FCRL6: variants seen among roughly 807,000 people sequenced by gnomAD.
FCRL6 encodes Fc receptor-like protein 6.
In FCRL6, 50 loss-of-function variants were observed where a neutral mutation model predicts 49.1. The observed-to-expected ratio is 1.02, with a 90% confidence interval of 0.81 to 1.29. FCRL6 has a LOEUF of 1.29. Among genes scored for constraint, FCRL6 ranks in the 50% most tolerant of loss-of-function variants. The pLI is 0.00. For synonymous variants in FCRL6, 213 were observed against 199.6 expected, an observed-to-expected ratio of 1.07 and a Z score of -0.57; for missense variants, 571 against 518.5, an observed-to-expected ratio of 1.10 and a Z score of -0.98.
At chr1:159,813,677 A>T in intron 7 of FCRL6, 123 bp downstream of exon 7, 1 of 818,790 alleles carries the variant, frequency 1.2e-6, no homozygotes, top group Non-Finnish European at 2.0e-6. Flanking sequence ...GGGGAAGGAA[A>T]ACAAACAGCT....
Position 159,809,184 on chromosome 1 carries a change from G to A in FCRL6, c.543G>A (p.Glu181=). 1.2e-6 allele frequency: 2 copies of A among 1,608,604 alleles called. No individual in the cohort carries two copies. Among genetic ancestry groups the A allele is most frequent in the Non-Finnish European group, 1.7e-6 (2 of 1,177,426 alleles). The part of the protein sequence containing the change: ...KEGDSGLYWC[E]VAPEGGQVQK... ...GAGACTCTGGGCTTTACTGGTGTGA[G>A]GTGGCCCCTGAGGGTGGCCAGGTCC... is the stretch of plus-strand genomic sequence containing the variant. The change falls in exon 4 of 10, where the codon GAG becomes GAA. Residue 181 remains glutamate (E), a synonymous_variant. Coordinates refer to ENST00000368106, the MANE Select transcript of FCRL6 (RefSeq NM_001004310.3).
chr1:159,814,147 A>G (rs1663248722), intron 7 of FCRL6, 74 bp from the exon 8 acceptor site: 2 of 1,396,520 alleles, frequency 1.4e-6, no homozygotes, highest in Admixed American at 1.7e-5. Flanking sequence ...GCTTCTCTCC[A>G]TGTCTTCAGG....
At chr1:159,811,288 T>C (rs1663075749) in intron 6 of FCRL6, among the ~76,000 whole-genome samples, 1 of 152,260 alleles carries the variant, frequency 6.6e-6, no homozygotes, top group African/African-American at 2.4e-5. Context: ...TGATTCCTAG[T>C]GCTTCAAATC....
At position 159,809,160 on chromosome 1, in the gene FCRL6, A is replaced by G. The variant is rs1480612070; in HGVS notation, c.519A>G (p.Gly173=). 5.0e-6 allele frequency: 8 copies of G among 1,613,656 alleles called. No individual in the cohort carries two copies. Among genetic ancestry groups the G allele is most frequent in the Non-Finnish European group, 6.8e-6 (8 of 1,179,802 alleles). ...PELCIPGAKE[G]DSGLYWCEVA... ...TCTGCATCCCGGGAGCCAAGGAGGG[A>G]GACTCTGGGCTTTACTGGTGTGAGG... The change falls in exon 4 of 10, where the codon GGA becomes GGG. Residue 173 remains glycine, a synonymous_variant. Transcript: ENST00000368106.
intron 3 of FCRL6, chr1:159,808,684 C>A (rs1032061282): frequency 3.2e-6 from 2 of 616,924 alleles, no homozygotes; most frequent in East Asian, 2.8e-5. Context: ...ACTGGGAAGA[C>A]CCTGGACCAG....
At chr1:159,815,281 A>G (rs772681205) in intron 8 of FCRL6, 147 bp from the exon 9 acceptor site, 2 of 778,752 alleles carry the variant, frequency 2.6e-6, no homozygotes, top group East Asian at 2.7e-5. Context: ...AGGTCTCCCA[A>G]TTCCAGGTTG....
At chr1:159,810,574 C>CAA (rs59039619) in intron 6 of FCRL6, among the ~76,000 whole-genome samples, 16 of 141,150 alleles carry the variant, frequency 1.1e-4, no homozygotes, top group Non-Finnish European at 1.9e-4. Context: ...GGAATATGAG[C>CAA]AAAAAAAAAA....
At chr1:159,802,493 T>C in intron 1 of FCRL6, 38 bp downstream of exon 1, 1 of 1,567,846 alleles carries the variant, frequency 6.4e-7, no homozygotes, top group Non-Finnish European at 8.8e-7. Context: ...CTTGGAGCAC[T>C]AAGGACCGTA....
chr1:159,801,096 A>G (rs1478201479), upstream of FCRL6, among the ~76,000 whole-genome samples: 1 of 152,260 alleles, frequency 6.6e-6, no homozygotes, highest in Non-Finnish European at 1.5e-5. Context: ...TCTGTGTTTC[A>G]CCGTGAACTC....
At chr1:159,805,775 A>T (rs1662636576) in intron 1 of FCRL6, among the ~76,000 whole-genome samples, 1 of 152,192 alleles carries the variant, frequency 6.6e-6, no homozygotes, top group African/African-American at 2.4e-5. Context: ...TTACTCTTTC[A>T]GGGGACTTAT....
chr1:159,806,598 C>T lies in FCRL6; in HGVS notation c.34C>T (p.Pro12Ser). 1 of 1,613,692 alleles carries T rather than the reference C, an allele frequency of 6.2e-7. No individual in the cohort carries two copies. The highest frequency in any genetic ancestry group is 8.5e-7 in the Non-Finnish European group (1 of 1,179,586). The change falls in exon 2 of 10, where the codon CCC becomes TCC. Residue 12 changes from proline to serine, a missense_variant and splice_region_variant. Physicochemically the swap from Pro to Ser is moderately conservative, Grantham distance 74. Coordinates refer to ENST00000368106, the MANE Select transcript of FCRL6 (RefSeq NM_001004310.3). The part of the protein sequence containing the change: ...LLWTAVLLFV[P>S]CVGKTVWLYL... The stretch of plus-strand genomic sequence containing the variant: ...TGTGTTACTTTGTTCTCTTGCAGTT[C>T]CCTGTGTTGGGAAAACTGGTAAGTT...
chr1:159,800,518 C>A, upstream of FCRL6: 1 of 1,319,118 alleles, frequency 7.6e-7, no homozygotes, highest in South Asian at 1.3e-5. Context: ...CTCCACACAC[C>A]CACAGGACCT....
chr1:159,810,115 C>T lies in FCRL6; in HGVS notation c.908C>T (p.Pro303Leu), dbSNP rs571721225. Residue 303 changes from proline to leucine, a missense_variant, in exon 6 of 10, where the codon CCC becomes CTC. Transcript: ENST00000368106. The part of the protein sequence containing the change: ...SLKGSQVLFT[P>L]ASNWLVPWLP... The stretch of plus-strand genomic sequence containing the variant: ...CCAGGTTCTCAAGTCTTGTTCACTC[C>T]CGCCAGCAACTGGCTGGTTCCTTGG... 29 of 1,613,564 alleles carry T rather than the reference C, an allele frequency of 1.8e-5. No homozygotes were observed. In the South Asian group the frequency reaches 3.1e-4, roughly 17 times the overall value.
rs1160592257 is a variant in FCRL6, at chr1:159,816,250, T to C, written c.*589T>C. The C allele has an allele frequency of 6.5e-6, 1 of 152,760 alleles. No homozygotes were observed. Among genetic ancestry groups the C allele is most frequent in the African/African-American group, 2.4e-5 (1 of 41,468 alleles). The allele number at this position is 152,760 out of a possible 1,614,324, so 9.5% of individuals were successfully genotyped here. A position where few individuals can be genotyped will look rare whatever the true frequency, so the allele number is the denominator to read the frequency against. Reference sequence around the variant, plus strand: ...TGATAATAAACAACTATGTTACTGGTTTATGTATTTACTATAACTTTTTCT... The same window carrying C: ...TGATAATAAACAACTATGTTACTGGCTTATGTATTTACTATAACTTTTTCT... On this transcript the variant is annotated 3_prime_UTR_variant, in exon 10 of 10. Transcript: ENST00000368106.
Position 159,808,096 on chromosome 1 carries a change from G to A in FCRL6, c.53-82G>A, listed in dbSNP as rs1662816112. On this transcript the variant is annotated intron_variant, in intron 2 of 9. Transcript: ENST00000368106. ...CCAAGGGCCTCCATCCCCAGCAGGAGGCCTTAGGCTGGGGGACAGAGGGAG... is the reference window on the plus strand; with the variant it reads ...CCAAGGGCCTCCATCCCCAGCAGGAAGCCTTAGGCTGGGGGACAGAGGGAG... The A allele has an allele frequency of 4.7e-6, 7 of 1,489,840 alleles. No individual in the cohort carries two copies. In the East Asian group the frequency reaches 1.4e-4, roughly 29 times the overall value. 92.3% of individuals were successfully genotyped at this position (1,489,840 alleles called of 1,614,324 possible).
In FCRL6 at chr1:159,815,819, TG is replaced by T; in HGVS notation, c.*161del. ...GTCCTGGTCAGGAGCACCTGAACCC[TG>T]GGTTCTTTTCTTAGCAGAAGACCAA... On this transcript the variant is annotated 3_prime_UTR_variant, in exon 10 of 10. Coordinates refer to ENST00000368106, the MANE Select transcript of FCRL6 (RefSeq NM_001004310.3). The T allele has an allele frequency of 1.2e-6, 1 of 836,010 alleles. No homozygotes were observed. The highest frequency in any genetic ancestry group is 1.8e-5 in the South Asian group (1 of 56,728). 51.8% of individuals were successfully genotyped at this position (836,010 alleles called of 1,614,324 possible).
At chr1:159,810,688 CA>C (rs968603720) in intron 6 of FCRL6, among the ~76,000 whole-genome samples, 2 of 152,150 alleles carry the variant, frequency 1.3e-5, no homozygotes, top group African/African-American at 4.8e-5. Flanking sequence ...CTCACTCACA[CA>C]CACTCATCTT....
At chr1:159,804,339 C>A (rs944859112) in intron 1 of FCRL6, among the ~76,000 whole-genome samples, 23 of 152,208 alleles carry the variant, frequency 1.5e-4, no homozygotes, top group African/African-American at 5.3e-4. Context: ...TTAAGCTTAG[C>A]CCACCAAGTA....
intron 8 of FCRL6, among the ~76,000 whole-genome samples, chr1:159,814,582 A>G (rs538352417): frequency 2.6e-5 from 4 of 152,098 alleles, no homozygotes; most frequent in Non-Finnish European, 4.4e-5. Flanking sequence ...TCTCAACATC[A>G]TCTCCTCCAC....
Sources: allele counts gnomAD v4.1 joint callset (sites outside exome capture counted in the v4.1 genomes callset), GRCh38; gene constraint gnomAD v4.1.1; transcripts MANE v1.5; gene names NCBI Gene and HGNC (gene_info 2026-07-23, HGNC 2026-07-21).